Variants in DRC11 observed in about 807,000 individuals in gnomAD.
DRC11 encodes the protein IQ and AAA domain-containing protein 1.
At chr2:236,363,989 G>A in the DRC11 span, 88 of 1,610,264 alleles carry the variant, frequency 5.5e-5, no homozygotes, top group Admixed American at 1.7e-4. This position sits in a 1 kb window ranked among gnomAD's most constrained non-coding sequence, Gnocchi z 5.6. Context: ...CCTAAAAAAG[G>A]CAGAGGCAAA....
the DRC11 span, chr2:236,408,796 G>T: frequency 4.5e-6 from 3 of 668,658 alleles, no homozygotes; most frequent in South Asian, 3.2e-5. This position sits in a 1 kb window ranked among gnomAD's most constrained non-coding sequence, Gnocchi z 5.5. Context: ...GGTTTGAGGG[G>T]TTTCCACATA....
the DRC11 span, among the ~76,000 whole-genome samples, chr2:236,439,186 A>G: frequency 6.6e-6 from 1 of 151,602 alleles, no homozygotes; most frequent in South Asian, 2.1e-4. Flanking sequence ...AACACATTCA[A>G]AAGCTAGCAG....
the DRC11 span, chr2:236,465,713 G>C: frequency 1.3e-6 from 2 of 1,584,736 alleles, no homozygotes; most frequent in Non-Finnish European, 1.7e-6. The surrounding 1 kb of genome is among the most constrained non-coding windows in gnomAD (Gnocchi z 6.2). Context: ...GGTGGATTCT[G>C]AAAATATATA....
chr2:236,467,457 TC>T, the DRC11 span, among the ~76,000 whole-genome samples: 2 of 152,248 alleles, frequency 1.3e-5, no homozygotes, highest in Non-Finnish European at 2.9e-5. Flanking sequence ...GTTACGTGTA[TC>T]ATTTGGATTA....
the DRC11 span, among the ~76,000 whole-genome samples, chr2:236,387,561 C>T: frequency 6.6e-6 from 1 of 152,116 alleles, no homozygotes; most frequent in Non-Finnish European, 1.5e-5. Context: ...TGTGTCTCTG[C>T]ATGTGAGATG....
the DRC11 span, among the ~76,000 whole-genome samples, chr2:236,459,628 CGTATATACGTATATACGTATATAT>C: frequency 6.1e-5 from 8 of 130,570 alleles, no homozygotes; most frequent in South Asian, 4.4e-4. Flanking sequence ...TATATACATA[CGTATATACGTATATACGTATATAT>C]GTATATACAT....
At chr2:236,379,151 CTCACTGAGCT>C in the DRC11 span, among the ~76,000 whole-genome samples, 1 of 152,354 alleles carries the variant, frequency 6.6e-6, no homozygotes, top group South Asian at 2.1e-4. Flanking sequence ...GGCTTTCTCC[CTCACTGAGCT>C]TCCCTCCAAC....
At chr2:236,423,633 G>T in the DRC11 span, among the ~76,000 whole-genome samples, 7 of 152,198 alleles carry the variant, frequency 4.6e-5, no homozygotes, top group Admixed American at 2.0e-4. Context: ...CATTGTGGAA[G>T]TCAGTGTGGC....
At chr2:236,473,210 T>C in the DRC11 span, among the ~76,000 whole-genome samples, 1 of 152,134 alleles carries the variant, frequency 6.6e-6, no homozygotes, top group Non-Finnish European at 1.5e-5. This position sits in a 1 kb window ranked among gnomAD's most constrained non-coding sequence, Gnocchi z 4.8. Flanking sequence ...AGCATTTCAT[T>C]TAGATTCTTT....
the DRC11 span, chr2:236,488,147 T>G: frequency 1.9e-6 from 3 of 1,607,884 alleles, no homozygotes; most frequent in Non-Finnish European, 2.5e-6. Context: ...CAATCTGGAT[T>G]AATTTAACAG....
the DRC11 span, among the ~76,000 whole-genome samples, chr2:236,458,633 C>T: frequency 6.6e-6 from 1 of 152,198 alleles, no homozygotes; most frequent in Non-Finnish European, 1.5e-5. Flanking sequence ...TGCCCAGGTG[C>T]TCCCAGCCAG....
At chr2:236,445,600 A>C in the DRC11 span, among the ~76,000 whole-genome samples, 9 of 151,868 alleles carry the variant, frequency 5.9e-5, no homozygotes, top group South Asian at 1.0e-3. This position sits in a 1 kb window ranked among gnomAD's most constrained non-coding sequence, Gnocchi z 4.8. Flanking sequence ...CCAGCCTCCC[A>C]AAGTGCTCGG....
the DRC11 span, among the ~76,000 whole-genome samples, chr2:236,384,031 A>G: frequency 1.3e-5 from 2 of 152,146 alleles, no homozygotes; most frequent in Admixed American, 6.5e-5. Flanking sequence ...TCCATGGTGT[A>G]TATGTGCCAC....
the DRC11 span, among the ~76,000 whole-genome samples, chr2:236,365,447 G>A: frequency 6.6e-6 from 1 of 152,074 alleles, no homozygotes; most frequent in Non-Finnish European, 1.5e-5. This position sits in a 1 kb window ranked among gnomAD's most constrained non-coding sequence, Gnocchi z 7.4. Flanking sequence ...AGCCAGGCTG[G>A]CACAGGGAGG....
chr2:236,478,779 A>G, the DRC11 span, among the ~76,000 whole-genome samples: 4 of 149,594 alleles, frequency 2.7e-5, no homozygotes, highest in African/African-American at 9.8e-5. This position sits in a 1 kb window ranked among gnomAD's most constrained non-coding sequence, Gnocchi z 5.9. Context: ...CTTTATCATT[A>G]TATAGTAGCC....
At chr2:236,434,799 C>A in the DRC11 span, among the ~76,000 whole-genome samples, 2 of 152,126 alleles carry the variant, frequency 1.3e-5, no homozygotes, top group South Asian at 4.1e-4. This position sits in a 1 kb window ranked among gnomAD's most constrained non-coding sequence, Gnocchi z 5.5. Context: ...TAATCGCTAC[C>A]TTTCTAACTG....
At chr2:236,442,998 C>T in the DRC11 span, among the ~76,000 whole-genome samples, 1 of 152,144 alleles carries the variant, frequency 6.6e-6, no homozygotes, top group African/African-American at 2.4e-5. Context: ...CCTTAACCCC[C>T]TCACAGGTGT....
chr2:236,320,941 C>T, the DRC11 span, among the ~76,000 whole-genome samples: 1 of 151,946 alleles, frequency 6.6e-6, no homozygotes, highest in African/African-American at 2.4e-5. Flanking sequence ...GGCGGCCTCA[C>T]CTTCCAGGAG....
At chr2:236,500,386 CGAGGAAG>C in the DRC11 span, among the ~76,000 whole-genome samples, 2 of 152,162 alleles carry the variant, frequency 1.3e-5, no homozygotes, top group East Asian at 3.9e-4. This position sits in a 1 kb window ranked among gnomAD's most constrained non-coding sequence, Gnocchi z 6.3. Flanking sequence ...AGAAAGCAGA[CGAGGAAG>C]GAGGGGTCCC....
Sources: allele counts gnomAD v4.1 joint callset (sites outside exome capture counted in the v4.1 genomes callset), GRCh38; gene constraint gnomAD v4.1.1; non-coding constraint Gnocchi (gnomAD v3.1); transcripts MANE v1.5; gene names NCBI Gene and HGNC (gene_info 2026-07-23, HGNC 2026-07-21).